CCDC148: variants seen among roughly 807,000 people sequenced by gnomAD.
CCDC148 encodes coiled-coil domain containing 148.
A neutral mutation model predicts 85.7 loss-of-function variants in CCDC148; 89 were observed. The ratio of observed to expected loss-of-function variants is 1.04; its 90% CI spans 0.87 to 1.24. The LOEUF (loss-of-function observed/expected upper bound fraction) is 1.24, where lower values mean the gene tolerates loss of function less well. CCDC148 is among the 50% of genes most tolerant of loss of function. The pLI is 0.00. For synonymous variants in CCDC148, 230 were observed against 213.9 expected, an observed-to-expected ratio of 1.08 and a Z score of -0.66; for missense variants, 692 against 671.7, an observed-to-expected ratio of 1.03 and a Z score of -0.33.
chr2:158,269,279 A>C lies in CCDC148; in HGVS notation c.1111-18367T>G, dbSNP rs544699944. Among the ~76,000 whole-genome samples the C allele has an allele frequency of 3.0e-4, 46 of 152,050 alleles. 1 individual carries two copies. Among genetic ancestry groups the C allele is most frequent in the Admixed American group, 1.3e-3 (20 of 15,266 alleles). On this transcript the variant is annotated intron_variant, in intron 9 of 13. Coordinates refer to ENST00000283233, the MANE Select transcript of CCDC148 (RefSeq NM_138803.4). ...CCTTTCAGGTGTGAGACGGTATCTC[A>C]TGGTGGTTTTAACCTGCATTTCCCT...
chr2:158,223,570 C>T (rs548446611), intron 10 of CCDC148, among the ~76,000 whole-genome samples: 6 of 152,214 alleles, frequency 3.9e-5, no homozygotes, highest in Admixed American at 1.3e-4. Context: ...AGGCACCCCC[C>T]AGTAGGGGCA....
chr2:158,331,745 C>T (rs138756722), intron 7 of CCDC148, among the ~76,000 whole-genome samples: 5,028 of 152,262 alleles, frequency 0.033, 128 homozygotes, highest in Admixed American at 0.046. Context: ...GAATTGATCC[C>T]TTTACCATTA....
intron 9 of CCDC148, among the ~76,000 whole-genome samples, chr2:158,269,349 C>G (rs1166266154): frequency 6.6e-6 from 1 of 152,064 alleles, no homozygotes; most frequent in Non-Finnish European, 1.5e-5. Context: ...CTTGGCCAAC[C>G]TCTTAACTGC....
chr2:158,410,681 T>A (rs1471817442), intron 1 of CCDC148, among the ~76,000 whole-genome samples: 1 of 152,202 alleles, frequency 6.6e-6, no homozygotes, highest in Non-Finnish European at 1.5e-5. Context: ...AGTTTACTTC[T>A]TTTTGTATTG....
At chr2:158,451,990 G>C (rs911022955) in intron 1 of CCDC148, among the ~76,000 whole-genome samples, 5 of 152,166 alleles carry the variant, frequency 3.3e-5, no homozygotes, top group African/African-American at 1.2e-4. Flanking sequence ...AAAAGAAAAT[G>C]AAGTTTATTT....
intron 11 of CCDC148, among the ~76,000 whole-genome samples, chr2:158,196,255 T>G (rs1685663282): frequency 1.3e-5 from 2 of 152,296 alleles, no homozygotes; most frequent in South Asian, 4.1e-4. Flanking sequence ...TCTATGCTCT[T>G]GAGATAATTT....
At chr2:158,254,571 C>T (rs908472208) in intron 9 of CCDC148, among the ~76,000 whole-genome samples, 3 of 151,418 alleles carry the variant, frequency 2.0e-5, no homozygotes, top group African/African-American at 7.3e-5. Flanking sequence ...AATGCATATG[C>T]AAAGAGATTT....
chr2:158,202,440 C>T (rs1686015865), intron 11 of CCDC148, among the ~76,000 whole-genome samples: 1 of 152,178 alleles, frequency 6.6e-6, no homozygotes, highest in Non-Finnish European at 1.5e-5. Flanking sequence ...TTAAGTTTTT[C>T]TAAAGGCGAG....
chr2:158,406,795 G>A lies in CCDC148; in HGVS notation c.26-48225C>T, dbSNP rs555089365. On this transcript the variant is annotated intron_variant, in intron 1 of 13. Coordinates refer to ENST00000283233, the MANE Select transcript of CCDC148 (RefSeq NM_138803.4). ...GCACTGCCATGCCCAGCTAATGTTT[G>A]TATTACTTGTAGAGACAGGGTTTTG... is the stretch of plus-strand genomic sequence containing the variant. Among the ~76,000 whole-genome samples the A allele has an allele frequency of 2.6e-5, 4 of 151,556 alleles. No individual in the cohort carries two copies. In the East Asian group the frequency reaches 7.8e-4, roughly 30 times the overall value.
chr2:158,365,732 C>T (rs960477043), intron 1 of CCDC148, among the ~76,000 whole-genome samples: 23 of 152,136 alleles, frequency 1.5e-4, no homozygotes, highest in Admixed American at 3.9e-4. Context: ...GTGCATCAAA[C>T]CACCATGGCA....
Position 158,455,205 on chromosome 2 carries a change from G to T in CCDC148, c.25+1210C>A, listed in dbSNP as rs371320356. ...AAAAACACACATTAAAAAGCCGGAA[G>T]AAGTAAAAAACAGCCTATTTCCATG... On this transcript the variant is annotated intron_variant, in intron 1 of 13. Transcript: ENST00000283233. Among the ~76,000 whole-genome samples, 19 of 152,270 alleles carry T rather than the reference G, an allele frequency of 1.2e-4. 2 individuals are homozygous for T. The highest frequency in any genetic ancestry group is 1.2e-3 in the South Asian group (6 of 4,814).
chr2:158,336,437 G>A (rs1682381271), intron 7 of CCDC148, among the ~76,000 whole-genome samples: 1 of 151,860 alleles, frequency 6.6e-6, no homozygotes, highest in African/African-American at 2.4e-5. Flanking sequence ...TTTTTATTTG[G>A]TTAGGGTACA....
chr2:158,256,286 A>T (rs1689008709), intron 9 of CCDC148, among the ~76,000 whole-genome samples: 1 of 151,684 alleles, frequency 6.6e-6, no homozygotes, highest in South Asian at 2.1e-4. Context: ...ACTTTCAGCA[A>T]ATGGCTCATG....
chr2:158,402,248 A>G (rs992748612), intron 1 of CCDC148, among the ~76,000 whole-genome samples: 3 of 152,050 alleles, frequency 2.0e-5, no homozygotes, highest in African/African-American at 7.2e-5. Flanking sequence ...CTAGAGTTTA[A>G]TTTTTCAGAA....
chr2:158,450,098 G>A (rs1379121342), intron 1 of CCDC148, among the ~76,000 whole-genome samples: 1 of 151,860 alleles, frequency 6.6e-6, no homozygotes, highest in Non-Finnish European at 1.5e-5. Context: ...TCCAACCCCA[G>A]GGATGTACAG....
intron 11 of CCDC148, among the ~76,000 whole-genome samples, chr2:158,216,632 T>G (rs1000947501): frequency 2.0e-5 from 3 of 152,060 alleles, no homozygotes; most frequent in Non-Finnish European, 2.9e-5. Flanking sequence ...GACAAAATAT[T>G]ATAGACTGGG....
intron 10 of CCDC148, among the ~76,000 whole-genome samples, chr2:158,222,577 T>C (rs565476945): frequency 2.6e-5 from 4 of 152,258 alleles, no homozygotes; most frequent in Admixed American, 6.5e-5. Flanking sequence ...TTCAGAAAAC[T>C]ATTTCCTTGT....
intron 1 of CCDC148, among the ~76,000 whole-genome samples, chr2:158,372,239 T>G (rs566526360): frequency 9.2e-5 from 14 of 151,990 alleles, no homozygotes; most frequent in Non-Finnish European, 1.8e-4. Context: ...TTTTCCAGAA[T>G]TTTTTTGGGG....
chr2:158,311,492 CGTGGAAA>C (rs1559062491), intron 8 of CCDC148, among the ~76,000 whole-genome samples: 1 of 151,720 alleles, frequency 6.6e-6, no homozygotes, highest in African/African-American at 2.4e-5. Flanking sequence ...AGGGGGAGAC[CGTGGAAA>C]GCGGGAGACG....
Sources: gnomAD v4.1 joint callset for allele counts (sites outside exome capture counted in the v4.1 genomes callset) on GRCh38, gnomAD v4.1.1 for gene constraint, MANE v1.5 for transcripts, NCBI Gene and HGNC (gene_info 2026-07-23, HGNC 2026-07-21) for gene names.